The following DYM variants were observed in gnomAD, a reference collection of about 807,000 sequenced individuals.
DYM encodes dyggve-Melchior-Clausen syndrome protein.
Under a neutral mutation model 93.1 loss-of-function variants are expected in DYM, and 78 were observed. That is an observed-to-expected ratio of 0.84 (90% confidence interval 0.70 to 1.01). The LOEUF (loss-of-function observed/expected upper bound fraction) is 1.01, where lower values mean the gene tolerates loss of function less well. Among genes scored for constraint, DYM ranks in the 50% least tolerant of loss-of-function variants. The pLI, the probability that DYM is intolerant of heterozygous loss-of-function variation, is 0.00. For missense variants in DYM, 789 were observed against 845.0 expected, an observed-to-expected ratio of 0.93 and a Z score of 0.82; for synonymous variants, 321 against 319.7, an observed-to-expected ratio of 1.00 and a Z score of -0.04.
At chr18:49,076,598 T>C (rs1047787904) in intron 17 of DYM, among the ~76,000 whole-genome samples, 1 of 152,194 alleles carries the variant, frequency 6.6e-6, no homozygotes, top group Admixed American at 6.5e-5. Context: ...ACATTCTGCT[T>C]TAAAACAACC....
chr18:49,178,567 T>C (rs138056977), intron 14 of DYM, among the ~76,000 whole-genome samples: 68 of 152,316 alleles, frequency 4.5e-4, no homozygotes, highest in Admixed American at 1.4e-3. Context: ...GCTAGATAAA[T>C]GATGTATCAC....
chr18:49,282,815 A>G, intron 9 of DYM, among the ~76,000 whole-genome samples: 1 of 152,226 alleles, frequency 6.6e-6, no homozygotes, highest in Non-Finnish European at 1.5e-5. Context: ...TTTGTTACCA[A>G]AACTAAATAA....
At position 49,064,214 on chromosome 18, in the gene DYM, G is replaced by A. The variant is rs1320453037; in HGVS notation, c.2026-20010C>T. ...TATACAAAATCTAATCAGAACAACT[G>A]CCATGCCTGGAAAAGTAGCATTTTT... is the stretch of plus-strand genomic sequence containing the variant. On this transcript the variant is annotated intron_variant, in intron 17 of 17. Coordinates refer to ENST00000675505, the MANE Select transcript of DYM (RefSeq NM_001353214.3). 3.3e-5 allele frequency among the ~76,000 whole-genome samples: 5 copies of A among 152,106 alleles called. No homozygotes were observed. In the East Asian group the frequency reaches 9.6e-4, roughly 29 times the overall value.
intron 5 of DYM, among the ~76,000 whole-genome samples, chr18:49,377,515 G>A (rs534757200): frequency 2.6e-5 from 4 of 152,002 alleles, no homozygotes; most frequent in Admixed American, 6.6e-5. Context: ...AGCCAAGATC[G>A]CACCACTGCA....
chr18:49,141,979 G>A (rs954512838), intron 15 of DYM, among the ~76,000 whole-genome samples: 1 of 151,248 alleles, frequency 6.6e-6, no homozygotes, highest in Non-Finnish European at 1.5e-5. Context: ...TCAGCCTCCT[G>A]AGTAGCTGGG....
intron 1 of DYM, among the ~76,000 whole-genome samples, chr18:49,439,791 G>A (rs911857414): frequency 1.3e-5 from 2 of 151,944 alleles, no homozygotes; most frequent in Admixed American, 6.6e-5. Context: ...ATTTCCAGAA[G>A]CTGAGTTCAA....
chr18:49,106,751 T>G (rs972780775), intron 16 of DYM, among the ~76,000 whole-genome samples: 1 of 152,270 alleles, frequency 6.6e-6, no homozygotes, highest in African/African-American at 2.4e-5. Flanking sequence ...TCTTCTGGCT[T>G]GGAGAGTTTC....
intron 6 of DYM, among the ~76,000 whole-genome samples, chr18:49,336,389 T>C (rs569725009): frequency 6.2e-4 from 94 of 152,234 alleles, no homozygotes; most frequent in African/African-American, 2.2e-3. Context: ...CCTTGGATCA[T>C]CCTCTCTTAC....
At chr18:49,081,910 A>G (rs138776054) in intron 17 of DYM, among the ~76,000 whole-genome samples, 39 of 152,240 alleles carry the variant, frequency 2.6e-4, no homozygotes, top group African/African-American at 8.9e-4. Flanking sequence ...TAGGTTTGTT[A>G]TTTTCCATCC....
intron 8 of DYM, among the ~76,000 whole-genome samples, chr18:49,298,708 GA>G (rs1357982909): frequency 1.3e-5 from 2 of 151,514 alleles, no homozygotes; most frequent in East Asian, 1.9e-4. Context: ...CCAAAAAGTT[GA>G]AAAAAATCCA....
intron 8 of DYM, among the ~76,000 whole-genome samples, chr18:49,289,794 C>CACATAT (rs1386852853): frequency 2.9e-5 from 2 of 68,868 alleles, no homozygotes; most frequent in African/African-American, 4.3e-5. Flanking sequence ...TATATACACA[C>CACATAT]ATATATATAT....
At chr18:49,382,873 G>C (rs558006278) in intron 3 of DYM, among the ~76,000 whole-genome samples, 1 of 152,222 alleles carries the variant, frequency 6.6e-6, no homozygotes, top group South Asian at 2.1e-4. Flanking sequence ...TTCAGATAAG[G>C]GTATTGTAGA....
chr18:49,373,189 A>C (rs754322613), intron 5 of DYM, among the ~76,000 whole-genome samples: 2 of 152,218 alleles, frequency 1.3e-5, no homozygotes, highest in Non-Finnish European at 2.9e-5. Context: ...GTCCCAATCC[A>C]GACCCCAAGA....
chr18:49,202,358 A>G (rs1181976906), intron 14 of DYM, among the ~76,000 whole-genome samples: 2 of 151,678 alleles, frequency 1.3e-5, no homozygotes, highest in African/African-American at 4.8e-5. Context: ...TACACCTCCC[A>G]GCCGCCTGCC....
At chr18:49,069,997 C>T (rs1486387652) in intron 17 of DYM, among the ~76,000 whole-genome samples, 2 of 152,176 alleles carry the variant, frequency 1.3e-5, no homozygotes, top group East Asian at 1.9e-4. Flanking sequence ...GCCAAGATCG[C>T]GCCACAGCAC....
intron 15 of DYM, among the ~76,000 whole-genome samples, chr18:49,149,435 T>C (rs2085556437): frequency 6.6e-6 from 1 of 152,176 alleles, no homozygotes; most frequent in Non-Finnish European, 1.5e-5. Context: ...TATGCACTGC[T>C]ACCTTCCAAT....
chr18:49,249,895 G>A (rs893370161), intron 13 of DYM, among the ~76,000 whole-genome samples: 5 of 152,196 alleles, frequency 3.3e-5, no homozygotes, highest in African/African-American at 1.2e-4. Flanking sequence ...AATTTTATCA[G>A]AAATAACTGT....
At chr18:49,250,022 C>T (rs1252657676) in intron 13 of DYM, among the ~76,000 whole-genome samples, 2 of 152,188 alleles carry the variant, frequency 1.3e-5, no homozygotes, top group Non-Finnish European at 2.9e-5. Flanking sequence ...TCTAAAGCAT[C>T]TTATGGACAC....
chr18:49,092,594 T>A (rs1021596592), intron 17 of DYM, among the ~76,000 whole-genome samples: 2 of 152,170 alleles, frequency 1.3e-5, no homozygotes, highest in Non-Finnish European at 2.9e-5. Context: ...GTCCTAGCAA[T>A]GTTGTGGTCA....
Sources: gnomAD v4.1 joint callset for allele counts (sites outside exome capture counted in the v4.1 genomes callset) on GRCh38, gnomAD v4.1.1 for gene constraint, MANE v1.5 for transcripts, NCBI Gene and HGNC (gene_info 2026-07-23, HGNC 2026-07-21) for gene names.